The following RCAN2 variants were observed in gnomAD, a reference collection of about 807,000 sequenced individuals.
RCAN2 encodes calcipressin-2.
A neutral mutation model predicts 23.6 loss-of-function variants in RCAN2; 9 were observed. That is an observed-to-expected ratio of 0.38 (90% confidence interval 0.23 to 0.67). The LOEUF is 0.67. RCAN2 is among the 30% of genes least tolerant of loss of function. The pLI, the probability that RCAN2 is intolerant of heterozygous loss-of-function variation, is 0.51. For synonymous variants in RCAN2, 109 were observed against 115.7 expected (o/e 0.94, Z 0.37); for missense variants, 273 against 302.3 (o/e 0.90, Z 0.72).
chr6:46,265,121 A>G (rs1767276537), intron 2 of RCAN2, among the ~76,000 whole-genome samples: 1 of 152,196 alleles, frequency 6.6e-6, no homozygotes, highest in African/African-American at 2.4e-5. Context: ...ATAGACCAGC[A>G]GCAGTATGAA....
intron 1 of RCAN2, among the ~76,000 whole-genome samples, chr6:46,468,244 T>G (rs1582227094): frequency 2.0e-5 from 3 of 152,362 alleles, no homozygotes; most frequent in Middle Eastern, 6.8e-3. Context: ...GGCCCAGAGT[T>G]TGACTTGAGT....
chr6:46,333,255 C>A (rs1033331311), intron 2 of RCAN2, among the ~76,000 whole-genome samples: 3 of 151,976 alleles, frequency 2.0e-5, no homozygotes, highest in Admixed American at 1.3e-4. Context: ...ATTTTCCCAA[C>A]CTTTATCCCA....
intron 2 of RCAN2, among the ~76,000 whole-genome samples, chr6:46,386,915 T>C (rs1470060658): frequency 6.6e-6 from 1 of 151,972 alleles, no homozygotes; most frequent in Non-Finnish European, 1.5e-5. Flanking sequence ...TATAGACCAA[T>C]GGAACAGAAC....
intron 2 of RCAN2, among the ~76,000 whole-genome samples, chr6:46,304,609 GA>G (rs1307204349): frequency 1.3e-5 from 2 of 152,118 alleles, no homozygotes; most frequent in African/African-American, 4.8e-5. Context: ...AGATATAAGA[GA>G]GGAAAGATGT....
chr6:46,456,712 A>G (rs1768043192), intron 2 of RCAN2, 40 bp downstream of exon 2: 5 of 1,350,316 alleles, frequency 3.7e-6, no homozygotes, highest in African/African-American at 1.4e-5. Flanking sequence ...AGATAATGCC[A>G]TATCTCCCCA....
chr6:46,306,964 T>C (rs2150354369), intron 2 of RCAN2, among the ~76,000 whole-genome samples: 1 of 152,278 alleles, frequency 6.6e-6, no homozygotes, highest in South Asian at 2.1e-4. Flanking sequence ...TGTTTGCTAA[T>C]TTCAGCCTAT....
intron 4 of RCAN2, among the ~76,000 whole-genome samples, chr6:46,227,102 C>G (rs1312259218): frequency 2.6e-5 from 4 of 152,018 alleles, no homozygotes; most frequent in Admixed American, 6.6e-5. Context: ...TTGATTTGCA[C>G]ATGTTGAACC....
chr6:46,375,500 G>T (rs1040739392), intron 2 of RCAN2, among the ~76,000 whole-genome samples: 3 of 152,078 alleles, frequency 2.0e-5, no homozygotes, highest in African/African-American at 7.2e-5. Context: ...AAGTCCAAAA[G>T]ATCAACAAGC....
chr6:46,298,224 T>C (rs1762780901), intron 2 of RCAN2, among the ~76,000 whole-genome samples: 1 of 152,132 alleles, frequency 6.6e-6, no homozygotes, highest in East Asian at 1.9e-4. Context: ...TACATGTCCT[T>C]CAATACTGTG....
intron 2 of RCAN2, among the ~76,000 whole-genome samples, chr6:46,341,837 C>CT (rs1392311585): frequency 6.6e-6 from 1 of 152,054 alleles, no homozygotes; most frequent in East Asian, 1.9e-4. Flanking sequence ...AGTCCTATAT[C>CT]TTTTTTTATT....
intron 2 of RCAN2, among the ~76,000 whole-genome samples, chr6:46,304,604 T>C (rs369033003): frequency 2.0e-5 from 3 of 152,162 alleles, no homozygotes; most frequent in African/African-American, 7.2e-5. Flanking sequence ...TCTTCAGATA[T>C]AAGAGAGGAA....
intron 2 of RCAN2, among the ~76,000 whole-genome samples, chr6:46,256,382 T>TAAATAAAATAAAATAAAATAAAATA (rs78198715): frequency 6.1e-5 from 9 of 147,786 alleles, no homozygotes; most frequent in African/African-American, 2.0e-4. Flanking sequence ...AAAAGAAAAA[T>TAAATAAAATAAAATAAAATAAAATA]AAATAAAATA....
chr6:46,427,556 G>A (rs1767065263), intron 2 of RCAN2, among the ~76,000 whole-genome samples: 3 of 152,160 alleles, frequency 2.0e-5, no homozygotes, highest in South Asian at 2.1e-4. Flanking sequence ...AGGGCTTGGG[G>A]CATAACAAGA....
Position 46,418,728 on chromosome 6 carries a change from T to C in RCAN2, c.225+38024A>G, listed in dbSNP as rs1371286375. 3.7e-5 allele frequency among the ~76,000 whole-genome samples: 5 copies of C among 135,288 alleles called. No homozygotes were observed. In the East Asian group the frequency reaches 6.7e-4, roughly 18 times the overall value. 88.8% of individuals were successfully genotyped at this position (135,288 alleles called of 152,430 possible). A position where few individuals can be genotyped will look rare whatever the true frequency, so the allele number is the denominator to read the frequency against. On this transcript the variant is annotated intron_variant, in intron 2 of 4. Coordinates refer to ENST00000371374, the MANE Select transcript of RCAN2 (RefSeq NM_001251974.2). ...ATATATATATATATATATATATATA[T>C]ATACAGTTGCAGGTAAATGGATTAA...
intron 2 of RCAN2, among the ~76,000 whole-genome samples, chr6:46,259,867 A>G (rs1767051697): frequency 6.6e-6 from 1 of 152,198 alleles, no homozygotes; most frequent in Non-Finnish European, 1.5e-5. Flanking sequence ...CTTTTATTAT[A>G]AAGAATACAA....
intron 2 of RCAN2, among the ~76,000 whole-genome samples, chr6:46,356,977 G>C (rs1764851855): frequency 6.6e-6 from 1 of 152,214 alleles, no homozygotes; most frequent in Admixed American, 6.5e-5. Flanking sequence ...TCTGAAGCCA[G>C]TCTTTACCCA....
intron 2 of RCAN2, among the ~76,000 whole-genome samples, chr6:46,321,573 A>G (rs187482582): frequency 1.5e-3 from 225 of 152,350 alleles, no homozygotes; most frequent in African/African-American, 5.2e-3. Flanking sequence ...AACCTGGTAC[A>G]TGAATCAGAA....
intron 2 of RCAN2, among the ~76,000 whole-genome samples, chr6:46,334,381 GATGAATGAATAC>G (rs1245045832): frequency 1.3e-5 from 2 of 152,174 alleles, no homozygotes; most frequent in Admixed American, 6.5e-5. Context: ...GAGTGTGTTG[GATGAATGAATAC>G]ATGAATGAAT....
At chr6:46,264,379 G>A (rs957974781) in intron 2 of RCAN2, among the ~76,000 whole-genome samples, 3 of 152,124 alleles carry the variant, frequency 2.0e-5, no homozygotes, top group African/African-American at 7.2e-5. Context: ...AATGGCATTT[G>A]CATTCTTTTA....
Sources: allele counts gnomAD v4.1 joint callset (sites outside exome capture counted in the v4.1 genomes callset), GRCh38; gene constraint gnomAD v4.1.1; transcripts MANE v1.5; gene names NCBI Gene and HGNC (gene_info 2026-07-23, HGNC 2026-07-21).